Variants in SAMMSON observed in about 807,000 individuals in gnomAD.
The protein encoded by SAMMSON is long intergenic non-protein coding RNA 1212.
At chr3:70,117,804 C>T (rs2067417356) in intron 4 of SAMMSON, among the ~76,000 whole-genome samples, 1 of 152,156 alleles carries the variant, frequency 6.6e-6, no homozygotes, top group Non-Finnish European at 1.5e-5. Context: ...ATTTAAAGCA[C>T]TTATAAGGAA....
chr3:70,051,878 A>G (rs1457969625), intron 3 of SAMMSON, among the ~76,000 whole-genome samples: 2 of 152,100 alleles, frequency 1.3e-5, no homozygotes, highest in Non-Finnish European at 2.9e-5. Flanking sequence ...CAGGAAAATC[A>G]CTTGAACTCA....
chr3:70,414,083 T>G (rs1017012537), intron 2 of SAMMSON, among the ~76,000 whole-genome samples: 4 of 152,164 alleles, frequency 2.6e-5, no homozygotes, highest in Non-Finnish European at 4.4e-5. Context: ...TACATTTATC[T>G]TAGATAACTT....
At chr3:70,349,436 G>A (rs1278933101) in intron 7 of SAMMSON, among the ~76,000 whole-genome samples, 1 of 152,086 alleles carries the variant, frequency 6.6e-6, no homozygotes, top group South Asian at 2.1e-4. Flanking sequence ...GCCAGAGCAT[G>A]TAAGGCGGCC....
chr3:70,338,907 A>G (rs975687751), intron 7 of SAMMSON, among the ~76,000 whole-genome samples: 3 of 152,186 alleles, frequency 2.0e-5, no homozygotes, highest in African/African-American at 4.8e-5. Context: ...ACTACTTTAA[A>G]GTTCACATGG....
chr3:70,028,783 C>T (rs1281414308), intron 3 of SAMMSON, among the ~76,000 whole-genome samples: 3 of 152,174 alleles, frequency 2.0e-5, no homozygotes, highest in Non-Finnish European at 4.4e-5. Flanking sequence ...AGATGTGTCT[C>T]ATGTTTTTCT....
At chr3:70,352,968 T>C (rs184343686) in intron 7 of SAMMSON, among the ~76,000 whole-genome samples, 1 of 151,924 alleles carries the variant, frequency 6.6e-6, no homozygotes, top group Non-Finnish European at 1.5e-5. Context: ...AAATAAACAA[T>C]TCAATGGAAC....
chr3:70,062,351 G>A (rs2067193664), intron 3 of SAMMSON, among the ~76,000 whole-genome samples: 1 of 152,024 alleles, frequency 6.6e-6, no homozygotes, highest in African/African-American at 2.4e-5. Context: ...ACATGAGAAT[G>A]CACATTTTGT....
intron 4 of SAMMSON, chr3:70,205,089 A>G (rs1054227270): frequency 6.6e-6 from 1 of 152,114 alleles, no homozygotes; most frequent in Non-Finnish European, 1.5e-5. Flanking sequence ...TGGCCCAACG[A>G]TGTGTTGTTG....
chr3:70,220,655 G>T (rs976546315), intron 4 of SAMMSON, among the ~76,000 whole-genome samples: 15 of 152,090 alleles, frequency 9.9e-5, no homozygotes, highest in Non-Finnish European at 2.2e-4. Flanking sequence ...TGGCATCTGG[G>T]TATCATGTAT....
intron 9 of SAMMSON, among the ~76,000 whole-genome samples, chr3:70,360,178 A>G (rs1702861093): frequency 6.6e-6 from 1 of 152,154 alleles, no homozygotes; most frequent in African/African-American, 2.4e-5. Flanking sequence ...CCAAAGATTT[A>G]ATAGAAAGGA....
chr3:70,320,566 C>G (rs1702530453), intron 7 of SAMMSON, among the ~76,000 whole-genome samples: 1 of 152,072 alleles, frequency 6.6e-6, no homozygotes, highest in Non-Finnish European at 1.5e-5. Flanking sequence ...CTCCAAAGAC[C>G]TGCATTATGA....
At chr3:70,308,145 A>G (rs1296619498) in intron 7 of SAMMSON, among the ~76,000 whole-genome samples, 9 of 152,104 alleles carry the variant, frequency 5.9e-5, no homozygotes, top group Admixed American at 5.2e-4. Context: ...TCAACCTCCC[A>G]GGCTCAAGCA....
chr3:70,187,587 G>A (rs1338182488), intron 4 of SAMMSON, among the ~76,000 whole-genome samples: 1 of 151,468 alleles, frequency 6.6e-6, no homozygotes, highest in African/African-American at 2.4e-5. Context: ...ACAGGCACAC[G>A]CCACCATGCC....
rs73836098 is a variant in SAMMSON, at chr3:70,103,821, A to C, written n.507+32256A>C. ...GAGGTTGCTATAATTTCCTGTAACT[A>C]TCACACATTCTTGCAAAAAATGAGC... On this transcript the variant is annotated intron_variant and non_coding_transcript_variant, in intron 4 of 9. Transcript: ENST00000642114. Among the ~76,000 whole-genome samples, 485 of 152,312 alleles carry C rather than the reference A, an allele frequency of 3.2e-3. 6 individuals carry two copies. Among genetic ancestry groups the C allele is most frequent in the African/African-American group, 0.011 (454 of 41,576 alleles).
intron 8 of SAMMSON, among the ~76,000 whole-genome samples, chr3:70,355,956 C>T (rs1201906957): frequency 1.3e-5 from 2 of 152,086 alleles, no homozygotes; most frequent in African/African-American, 2.4e-5. Context: ...AACAACCTAG[C>T]AAACTAGGAG....
rs1346444363 is a variant in SAMMSON at position 70,167,196 on chromosome 3, G to A, written n.508-81911G>A. ...TTTTAAGTTCTCATAGTCACATGTG[G>A]CTAGTGACTATCGTATTGGAGAGTG... On this transcript the variant is annotated intron_variant and non_coding_transcript_variant, in intron 4 of 9. Transcript: ENST00000642114. Among the ~76,000 whole-genome samples, 3 of 151,850 alleles carry A rather than the reference G, an allele frequency of 2.0e-5. No homozygotes were observed. The East Asian group carries it at 5.8e-4, about 29-fold the overall frequency.
chr3:70,120,614 T>C (rs547485964), intron 4 of SAMMSON: 1 of 152,208 alleles, frequency 6.6e-6, no homozygotes, highest in Non-Finnish European at 1.5e-5. Flanking sequence ...CATGCCTCCA[T>C]GCTCAAGCAA....
intron 2 of SAMMSON, among the ~76,000 whole-genome samples, chr3:70,421,553 A>C (rs1701313403): frequency 6.6e-6 from 1 of 152,114 alleles, no homozygotes; most frequent in South Asian, 2.1e-4. Flanking sequence ...TCAGAAATCG[A>C]GCTGTGGGGC....
intron 3 of SAMMSON, among the ~76,000 whole-genome samples, chr3:70,028,604 A>G (rs183194895): frequency 4.7e-4 from 72 of 152,320 alleles, no homozygotes; most frequent in African/African-American, 1.5e-3. Flanking sequence ...ATTAAGAGGT[A>G]AAATGAAATA....
Sources: gnomAD v4.1 joint callset for allele counts (sites outside exome capture counted in the v4.1 genomes callset) on GRCh38, gnomAD v4.1.1 for gene constraint, MANE v1.5 for transcripts, NCBI Gene and HGNC (gene_info 2026-07-23, HGNC 2026-07-21) for gene names.